The following OCRL variants were observed in gnomAD, a reference collection of about 807,000 sequenced individuals.
OCRL encodes the protein OCRL inositol polyphosphate-5-phosphatase.
OCRL carries 8 observed loss-of-function variants against 78.9 expected under a neutral mutation model. That is an observed-to-expected ratio of 0.10 (90% confidence interval 0.06 to 0.18). The LOEUF (loss-of-function observed/expected upper bound fraction) is 0.18. OCRL is among the 10% of genes least tolerant of loss of function. OCRL has a pLI of 1.00. For missense variants in OCRL, 454 were observed against 696.7 expected (o/e 0.65, Z 3.92); for synonymous variants, 240 against 235.4 (o/e 1.02, Z -0.18).
chrX:129,540,890 C>A, intron 2 of OCRL, 67 bp downstream of exon 2: 6 of 932,153 alleles, frequency 6.4e-6, no homozygotes, highest in Non-Finnish European at 9.4e-6. Flanking sequence ...CAAACCGCGA[C>A]GGGTCACCCA....
At chrX:129,576,619 C>T (rs1936372269) in intron 18 of OCRL, 67 bp downstream of exon 18, 5 of 843,418 alleles carry the variant, frequency 5.9e-6, no homozygotes, top group African/African-American at 2.0e-5. Flanking sequence ...GTGACGTCCT[C>T]ATTATCTTTG....
chrX:129,555,351 T>C (rs1936028698), intron 4 of OCRL, among the ~76,000 whole-genome samples: 1 of 110,960 alleles, frequency 9.0e-6, no homozygotes, highest in South Asian at 3.9e-4. Flanking sequence ...GGCGGGCACC[T>C]GTAATCCCAG....
At chrX:129,565,020 G>GT (rs920950503) in intron 12 of OCRL, among the ~76,000 whole-genome samples, 1 of 111,892 alleles carries the variant, frequency 8.9e-6, no homozygotes, top group African/African-American at 3.3e-5. Context: ...GCCTTAAAAT[G>GT]TATGGTCATG....
chrX:129,587,475 A>G (rs896671865), intron 20 of OCRL, among the ~76,000 whole-genome samples: 26 of 111,009 alleles, frequency 2.3e-4, no homozygotes, highest in African/African-American at 8.5e-4. Context: ...GTAAAATCCA[A>G]AGCAGATTTT....
Position 129,591,596 on chromosome X carries a change from C to A in OCRL, c.*1326C>A, listed in dbSNP as rs775644866. 5.3e-5 allele frequency: 6 copies of A among 112,162 alleles called. No homozygotes were observed. Among genetic ancestry groups the A allele is most frequent in the Admixed American group, 4.7e-4 (5 of 10,542 alleles). The allele number at this position is 112,162 out of a possible 1,213,427, so 9.2% of individuals were successfully genotyped here. A position where few individuals can be genotyped will look rare whatever the true frequency, so the allele number is the denominator to read the frequency against. On this transcript the variant is annotated 3_prime_UTR_variant, in exon 24 of 24. Coordinates refer to ENST00000371113, the MANE Select transcript of OCRL (RefSeq NM_000276.4). ...GGTTCCTCCTGGTTTTCTTTTGTTA[C>A]AACCACCCTTGCCTGTTTACATTAA...
chrX:129,573,151 A>G (rs947459423), intron 15 of OCRL, among the ~76,000 whole-genome samples: 1 of 112,142 alleles, frequency 8.9e-6, no homozygotes, highest in Non-Finnish European at 1.9e-5. Flanking sequence ...TACAGTTCAA[A>G]TATGTGAAAA....
chrX:129,587,180 A>C, intron 20 of OCRL, 62 bp downstream of exon 20: 1 of 704,963 alleles, frequency 1.4e-6, no homozygotes, highest in Non-Finnish European at 2.3e-6. Flanking sequence ...AGGAAATCAC[A>C]ACACCTCACG....
At chrX:129,563,145 C>A (rs1936167534) in intron 12 of OCRL, among the ~76,000 whole-genome samples, 1 of 111,338 alleles carries the variant, frequency 9.0e-6, no homozygotes, top group Non-Finnish European at 1.9e-5. Flanking sequence ...CTAGCCAGTC[C>A]CTCTCTCCAA....
At position 129,591,965 on chromosome X, in the gene OCRL, CA is replaced by C. The variant is rs1936594498; in HGVS notation, c.*1696del. On this transcript the variant is annotated 3_prime_UTR_variant, in exon 24 of 24. Transcript: ENST00000371113. ...TAGACACTGGGGTAGGGTCATACCA[CA>C]GGGAAATACCTTTCCTGGGCTTGTT... 1 of 113,702 alleles carries C rather than the reference CA, an allele frequency of 8.8e-6. No individual in the cohort carries two copies. The highest frequency in any genetic ancestry group is 9.5e-5 in the Admixed American group (1 of 10,549). The allele number at this position is 113,702 out of a possible 1,213,427, so 9.4% of individuals were successfully genotyped here. A position where few individuals can be genotyped will look rare whatever the true frequency, so the allele number is the denominator to read the frequency against.
At chrX:129,574,705 T>C (rs962710271) in intron 15 of OCRL, among the ~76,000 whole-genome samples, 2 of 112,475 alleles carry the variant, frequency 1.8e-5, no homozygotes, top group African/African-American at 6.5e-5. Context: ...ACCACAATTA[T>C]CACATTTTTT....
rs765105817 is a variant in OCRL at position 129,557,327 on chromosome X, G to A, written c.241G>A (p.Gly81Ser). 1 of 1,209,004 alleles carries A rather than the reference G, an allele frequency of 8.3e-7. No homozygotes were observed. Among genetic ancestry groups the A allele is most frequent in the Non-Finnish European group, 1.1e-6 (1 of 893,074 alleles). The change falls in exon 5 of 24, where the codon GGC becomes AGC. Residue 81 changes from glycine to serine, a missense_variant and splice_region_variant. By Grantham distance (56) the Gly-to-Ser change is moderately conservative. Transcript: ENST00000371113. ...TLLIDIASNS[G>S]CKIRVQGDWI... Reference sequence around the variant, plus strand: ...GTATGGATTTCAATTCTTTTTAGGTGGCTGCAAAATTCGGGTTCAGGGGGA... The same window carrying A: ...GTATGGATTTCAATTCTTTTTAGGTAGCTGCAAAATTCGGGTTCAGGGGGA...
intron 2 of OCRL, among the ~76,000 whole-genome samples, chrX:129,541,782 T>C (rs1348224196): frequency 1.8e-5 from 2 of 112,085 alleles, no homozygotes; most frequent in African/African-American, 3.2e-5. Flanking sequence ...TTTTAGATCC[T>C]CTGTATCTAT....
chrX:129,581,831 T>TTCTCTCTCTCTCTCTCTCTCTCTCTC (rs753415077), intron 18 of OCRL, among the ~76,000 whole-genome samples: 1 of 65,600 alleles, frequency 1.5e-5, no homozygotes, highest in African/African-American at 8.3e-5. Context: ...CCCTTTGTCT[T>TTCTCTCTCTCTCTCTCTCTCTCTCTC]TCTCTCTCTC....
At chrX:129,552,091 A>G (rs1935968585) in intron 4 of OCRL, among the ~76,000 whole-genome samples, 1 of 112,121 alleles carries the variant, frequency 8.9e-6, no homozygotes, top group Non-Finnish European at 1.9e-5. Flanking sequence ...TTCAAAAATG[A>G]GAATCGTATG....
intron 15 of OCRL, among the ~76,000 whole-genome samples, chrX:129,572,057 C>T (rs1032049146): frequency 1.8e-5 from 2 of 112,115 alleles, no homozygotes; most frequent in Non-Finnish European, 3.8e-5. Context: ...GCTAGTGCAA[C>T]TGAGAACTGA....
chrX:129,546,613 C>T (rs1390458318), intron 3 of OCRL, among the ~76,000 whole-genome samples: 4 of 112,070 alleles, frequency 3.6e-5, no homozygotes, highest in African/African-American at 9.7e-5. Context: ...AAGGTAGCCA[C>T]GTTCCATAGT....
At chrX:129,584,587 G>A (rs1362027538) in intron 19 of OCRL, among the ~76,000 whole-genome samples, 1 of 111,788 alleles carries the variant, frequency 8.9e-6, no homozygotes, top group Non-Finnish European at 1.9e-5. Context: ...AAAACAGTAG[G>A]ACTCAAGGTT....
chrX:129,573,941 G>T (rs1034395394), intron 15 of OCRL, among the ~76,000 whole-genome samples: 1 of 112,034 alleles, frequency 8.9e-6, no homozygotes, highest in Non-Finnish European at 1.9e-5. Context: ...TATTATTAAT[G>T]GGCATTTGGG....
In OCRL at chrX:129,555,000, T is replaced by TAAATAAAA. The variant is rs745690077; in HGVS notation, c.239-2322_239-2321insTAAAAAAA. On this transcript the variant is annotated intron_variant, in intron 4 of 23. Coordinates refer to ENST00000371113, the MANE Select transcript of OCRL (RefSeq NM_000276.4). Reference sequence around the variant, plus strand: ...ATAAATAAATAAATAAATAAATAAATAAAAATAAGAGGGTTGTAGGAGAAG... The same window carrying TAAATAAAA: ...ATAAATAAATAAATAAATAAATAAATAAATAAAAAAAAATAAGAGGGTTGTAGGAGAAG... 3.9e-3 allele frequency among the ~76,000 whole-genome samples: 371 copies of TAAATAAAA among 95,536 alleles called. 1 individual carries two copies. The highest frequency in any genetic ancestry group is 0.012 in the African/African-American group (284 of 23,749). The allele number at this position is 95,536 out of a possible 115,157, so 83.0% of individuals were successfully genotyped here.
Sources: gnomAD v4.1 joint callset for allele counts (sites outside exome capture counted in the v4.1 genomes callset) on GRCh38, gnomAD v4.1.1 for gene constraint, MANE v1.5 for transcripts, NCBI Gene and HGNC (gene_info 2026-07-23, HGNC 2026-07-21) for gene names.